The following IRF4 variants were observed in gnomAD, a reference collection of about 807,000 sequenced individuals.
The protein encoded by IRF4 is lymphocyte-specific interferon regulatory factor.
In IRF4, 13 loss-of-function variants were observed where a neutral mutation model predicts 55.5. The observed-to-expected ratio is 0.23, with a 90% CI of 0.15 to 0.37. The LOEUF (loss-of-function observed/expected upper bound fraction) is 0.37, where lower values mean the gene tolerates loss of function less well. IRF4 is among the 10% of genes least tolerant of loss of function. The pLI is 1.00. For synonymous variants in IRF4, 249 were observed against 240.7 expected, an observed-to-expected ratio of 1.03 and a Z score of -0.32; for missense variants, 397 against 593.8, an observed-to-expected ratio of 0.67 and a Z score of 3.44.
At chr6:400,460 C>T (rs982473097) in intron 6 of IRF4, among the ~76,000 whole-genome samples, 6 of 152,194 alleles carry the variant, frequency 3.9e-5, no homozygotes, top group African/African-American at 1.2e-4. Flanking sequence ...TTTCAGAGAG[C>T]GCAGTTTTAG....
intron 4 of IRF4, chr6:396,198 G>A (rs1222810785): frequency 2.5e-5 from 12 of 475,480 alleles, no homozygotes; most frequent in Non-Finnish European, 4.1e-5. Context: ...CAGATGTTTT[G>A]TGGAAGTGGA....
chr6:410,633 C>T lies in IRF4; in HGVS notation c.*3035C>T, dbSNP rs138169828. On this transcript the variant is annotated 3_prime_UTR_variant, in exon 9 of 9. Coordinates refer to ENST00000380956, the MANE Select transcript of IRF4 (RefSeq NM_002460.4). ...CTGGGAGTCTTGGGTACTCGCACCTCTTGGCTTTGTTGATGCTCCGCCAGG... is the reference window on the plus strand; with the variant it reads ...CTGGGAGTCTTGGGTACTCGCACCTTTTGGCTTTGTTGATGCTCCGCCAGG... 110 of 231,302 alleles carry T rather than the reference C, an allele frequency of 4.8e-4. 1 individual carries two copies. In the East Asian group the frequency reaches 6.6e-3, roughly 14 times the overall value. The allele number at this position is 231,302 out of a possible 1,614,324, so 14.3% of individuals were successfully genotyped here.
intron 6 of IRF4, among the ~76,000 whole-genome samples, chr6:399,560 C>T (rs1489936591): frequency 1.3e-5 from 2 of 150,838 alleles, no homozygotes; most frequent in East Asian, 3.9e-4. Context: ...AAGAAGGCAC[C>T]TCTAGGCTTG....
chr6:398,778 G>A (rs1761329689), intron 5 of IRF4, 50 bp from the exon 6 acceptor site: 1 of 1,403,650 alleles, frequency 7.1e-7, no homozygotes, highest in Non-Finnish European at 1.0e-6. Context: ...GCCCCGCGGT[G>A]CGTCGGACTC....
chr6:406,562 A>G lies in IRF4; in HGVS notation c.1213-893A>G, dbSNP rs192815697. On this transcript the variant is annotated intron_variant, in intron 8 of 8. Transcript: ENST00000380956. ...GTCTCAAAAAAAAAACAAAAAAAGA[A>G]GTTGATGATCAGCTCAGCTATCACA... is the stretch of plus-strand genomic sequence containing the variant. Among the ~76,000 whole-genome samples the G allele has an allele frequency of 1.2e-4, 18 of 152,200 alleles. No individual in the cohort carries two copies. The East Asian group carries it at 2.9e-3, about 25-fold the overall frequency.
Position 407,431 on chromosome 6 carries a change from T to C in IRF4, c.1213-24T>C. The C allele has an allele frequency of 5.0e-6, 8 of 1,589,614 alleles. No homozygotes were observed. The South Asian group carries it at 9.3e-5, about 18-fold the overall frequency. On this transcript the variant is annotated intron_variant, in intron 8 of 8. Coordinates refer to ENST00000380956, the MANE Select transcript of IRF4 (RefSeq NM_002460.4). ...CCAGTTGCAGGATATCTCAGTAATGTCTTTTTAAAATCTCTTATTAAAGGT... is the reference window on the plus strand; with the variant it reads ...CCAGTTGCAGGATATCTCAGTAATGCCTTTTTAAAATCTCTTATTAAAGGT...
intron 5 of IRF4, among the ~76,000 whole-genome samples, chr6:398,097 C>A (rs540446903): frequency 3.9e-5 from 6 of 152,324 alleles, no homozygotes; most frequent in South Asian, 4.1e-4. Flanking sequence ...ATTGGCTTTT[C>A]AAGAGGGATT....
At chr6:407,070 T>C (rs1019564441) in intron 8 of IRF4, among the ~76,000 whole-genome samples, 3 of 152,242 alleles carry the variant, frequency 2.0e-5, no homozygotes, top group African/African-American at 4.8e-5. Flanking sequence ...ATGAGCTCCT[T>C]GTTTCTTTCA....
intron 5 of IRF4, chr6:397,643 G>A (rs925500291): frequency 6.0e-6 from 1 of 165,598 alleles, no homozygotes; most frequent in African/African-American, 2.4e-5. Flanking sequence ...TGCTATTGTT[G>A]GAATTAGAGG....
intron 3 of IRF4, 81 bp downstream of exon 3, chr6:395,088 T>A: frequency 8.9e-7 from 1 of 1,125,198 alleles, no homozygotes; most frequent in South Asian, 1.6e-5. Flanking sequence ...TGAGCATCAC[T>A]TTCTAGCTTT....
At chr6:399,070 C>T (rs1475835975) in intron 6 of IRF4, 135 bp downstream of exon 6, 3 of 510,138 alleles carry the variant, frequency 5.9e-6, no homozygotes, top group Non-Finnish European at 7.0e-6. Context: ...GATGTAGACA[C>T]ATCCTGTGTG....
intron 4 of IRF4, 120 bp downstream of exon 4, chr6:396,055 A>G: frequency 2.8e-6 from 2 of 723,132 alleles, no homozygotes; most frequent in South Asian, 1.8e-5. Context: ...CTGCTCCAAC[A>G]GCCCAGAAAA....
rs547527921 is a variant in IRF4 at position 401,007 on chromosome 6, A to G, written c.746-417A>G. Among the ~76,000 whole-genome samples, 6 of 152,350 alleles carry G rather than the reference A, an allele frequency of 3.9e-5. No individual in the cohort carries two copies. In the East Asian group the frequency reaches 9.6e-4, roughly 24 times the overall value. On this transcript the variant is annotated intron_variant, in intron 6 of 8. Transcript: ENST00000380956. ...CATTCAGTGACACATGACTTAAATG[A>G]CATCACCACTATCATCATCATAATT...
Position 393,428 on chromosome 6 carries a change from G to C in IRF4, c.216+60G>C. 2 of 1,260,108 alleles carry C rather than the reference G, an allele frequency of 1.6e-6. No homozygotes were observed. Among genetic ancestry groups the C allele is most frequent in the Admixed American group, 6.5e-5 (2 of 30,734 alleles). 78.1% of individuals were successfully genotyped at this position (1,260,108 alleles called of 1,614,324 possible). A position where few individuals can be genotyped will look rare whatever the true frequency, so the allele number is the denominator to read the frequency against. On this transcript the variant is annotated intron_variant, in intron 2 of 8. Transcript: ENST00000380956. This position sits in a 1 kb window ranked among gnomAD's most constrained non-coding sequence, Gnocchi z 5.4. ...GGGAGGGCCCAGAGACAGAGCCCGG[G>C]GTCCCCGGCGCCGCCTCCGAGGCGA...
chr6:397,131 A>G lies in IRF4; in HGVS notation c.516A>G (p.Pro172=). 1 of 1,614,172 alleles carries G rather than the reference A, an allele frequency of 6.2e-7. No individual in the cohort carries two copies. Among genetic ancestry groups the G allele is most frequent in the Non-Finnish European group, 8.5e-7 (1 of 1,180,036 alleles). ...AGCAGGTTCACAACTACATGATGCC[A>G]CCCCTCGACCGAAGCTGGAGGGACT... ...PAQQVHNYMM[P]PLDRSWRDYV... The change falls in exon 5 of 9, where the codon CCA becomes CCG. Residue 172 remains proline (P), a synonymous_variant. Coordinates refer to ENST00000380956, the MANE Select transcript of IRF4 (RefSeq NM_002460.4).
rs976002151 is a variant in IRF4, at chr6:407,733, G to T, written c.*135G>T. 6 of 793,544 alleles carry T rather than the reference G, an allele frequency of 7.6e-6. No individual in the cohort carries two copies. In the African/African-American group the frequency reaches 1.1e-4, roughly 14 times the overall value. The allele number at this position is 793,544 out of a possible 1,614,324, so 49.2% of individuals were successfully genotyped here. A position where few individuals can be genotyped will look rare whatever the true frequency, so the allele number is the denominator to read the frequency against. ...AGCTCACTGTGACCTCCGCCTCCTG[G>T]GTTCAAGAGACTCTCCTGCCTCAGC... On this transcript the variant is annotated 3_prime_UTR_variant, in exon 9 of 9. Coordinates refer to ENST00000380956, the MANE Select transcript of IRF4 (RefSeq NM_002460.4).
intron 7 of IRF4, among the ~76,000 whole-genome samples, chr6:404,371 T>C (rs1369506071): frequency 6.6e-6 from 1 of 152,182 alleles, no homozygotes; most frequent in Non-Finnish European, 1.5e-5. Context: ...GCTGCCCCAC[T>C]CCTGTTCTCA....
intron 7 of IRF4, among the ~76,000 whole-genome samples, chr6:401,993 A>T (rs564271362): frequency 5.3e-4 from 81 of 152,328 alleles, no homozygotes; most frequent in African/African-American, 1.9e-3. Context: ...ACCATGGCTC[A>T]GGCTGTTCTC....
In IRF4 at chr6:393,019, G is replaced by A; in HGVS notation, c.-55-79G>A. The A allele has an allele frequency of 1.3e-6, 1 of 797,002 alleles. No individual in the cohort carries two copies. The highest frequency in any genetic ancestry group is 1.9e-6 in the Non-Finnish European group (1 of 518,620). The allele number at this position is 797,002 out of a possible 1,614,324, so 49.4% of individuals were successfully genotyped here. A position where few individuals can be genotyped will look rare whatever the true frequency, so the allele number is the denominator to read the frequency against. On this transcript the variant is annotated intron_variant, in intron 1 of 8. Coordinates refer to ENST00000380956, the MANE Select transcript of IRF4 (RefSeq NM_002460.4). The surrounding 1 kb of genome is among the most constrained non-coding windows in gnomAD (Gnocchi z 5.4). Reference sequence around the variant, plus strand: ...AGCCTCAAAGACTCCGGGGCCTCGTGGTCACTGGCGCAGGGGATCGGGGCG... The same window carrying A: ...AGCCTCAAAGACTCCGGGGCCTCGTAGTCACTGGCGCAGGGGATCGGGGCG...
Sources: allele counts gnomAD v4.1 joint callset (sites outside exome capture counted in the v4.1 genomes callset), GRCh38; gene constraint gnomAD v4.1.1; non-coding constraint Gnocchi (gnomAD v3.1); transcripts MANE v1.5; gene names NCBI Gene and HGNC (gene_info 2026-07-23, HGNC 2026-07-21).